Variants in FBXL20 observed in about 807,000 individuals in gnomAD.
The protein encoded by FBXL20 is F-box and leucine rich repeat protein 20.
FBXL20 carries 11 observed loss-of-function variants against 64.0 expected under a neutral mutation model. The ratio of observed to expected loss-of-function variants is 0.17; its 90% CI spans 0.11 to 0.28. The LOEUF (loss-of-function observed/expected upper bound fraction) is 0.28, where lower values mean the gene tolerates loss of function less well. FBXL20 is among the 10% of genes least tolerant of loss of function. The pLI, the probability that FBXL20 is intolerant of heterozygous loss-of-function variation, is 1.00. For synonymous variants in FBXL20, 184 were observed against 189.0 expected, an observed-to-expected ratio of 0.97 and a Z score of 0.22; for missense variants, 303 against 526.2, an observed-to-expected ratio of 0.58 and a Z score of 4.15.
chr17:39,328,700 A>G (rs1028760242), intron 2 of FBXL20, among the ~76,000 whole-genome samples: 1 of 152,242 alleles, frequency 6.6e-6, no homozygotes, highest in Non-Finnish European at 1.5e-5. Flanking sequence ...TGCAATAGTA[A>G]TAACTGTTTC....
chr17:39,296,942 G>A (rs2047091648), intron 6 of FBXL20, among the ~76,000 whole-genome samples, 185 bp downstream of exon 6: 1 of 152,150 alleles, frequency 6.6e-6, no homozygotes, highest in Admixed American at 6.5e-5. Flanking sequence ...TTGTATCAAA[G>A]ATAGAATTCC....
At chr17:39,398,174 C>T (rs1006653684) in intron 1 of FBXL20, among the ~76,000 whole-genome samples, 3 of 151,486 alleles carry the variant, frequency 2.0e-5, no homozygotes, top group Non-Finnish European at 2.9e-5. Context: ...CCCAGCTACT[C>T]GGGAGGCTGA....
chr17:39,287,966 A>T (rs1177109473), intron 6 of FBXL20, among the ~76,000 whole-genome samples: 1 of 146,004 alleles, frequency 6.8e-6, no homozygotes, highest in East Asian at 2.0e-4. Context: ...CTGTAATGAA[A>T]ACTTTTTTTT....
chr17:39,316,857 T>C (rs1439023846), intron 2 of FBXL20, among the ~76,000 whole-genome samples: 2 of 152,190 alleles, frequency 1.3e-5, no homozygotes. Flanking sequence ...GGCATGGTGC[T>C]GGGCGCCTGT....
intron 9 of FBXL20, among the ~76,000 whole-genome samples, chr17:39,276,221 G>GAAAAAAAAAAAAAAAAAAAAAAAAAAAAA (rs1215336803): frequency 1.7e-5 from 1 of 60,570 alleles, no homozygotes; most frequent in Non-Finnish European, 3.1e-5. Context: ...AGCAAGAAAA[G>GAAAAAAAAAAAAAAAAAAAAAAAAAAAAA]AAAAAAAAAA....
intron 1 of FBXL20, among the ~76,000 whole-genome samples, 167 bp from the exon 2 acceptor site, chr17:39,343,408 G>A (rs951373309): frequency 1.3e-5 from 2 of 152,116 alleles, no homozygotes; most frequent in Non-Finnish European, 2.9e-5. Context: ...AAAGATCTTC[G>A]AGGCATTTAA....
At chr17:39,381,265 T>C (rs1385209226) in intron 1 of FBXL20, among the ~76,000 whole-genome samples, 1 of 151,184 alleles carries the variant, frequency 6.6e-6, no homozygotes, top group Admixed American at 6.6e-5. Context: ...TGCTTGAGCG[T>C]AGGAGTTTGA....
At chr17:39,332,250 G>A (rs1470936514) in intron 2 of FBXL20, among the ~76,000 whole-genome samples, 2 of 152,224 alleles carry the variant, frequency 1.3e-5, no homozygotes, top group Non-Finnish European at 2.9e-5. Flanking sequence ...CACATGTGCA[G>A]AAAAGAGTTA....
intron 4 of FBXL20, among the ~76,000 whole-genome samples, 198 bp from the exon 5 acceptor site, chr17:39,299,282 C>T (rs182479701): frequency 6.6e-6 from 1 of 152,134 alleles, no homozygotes; most frequent in Non-Finnish European, 1.5e-5. Flanking sequence ...ACCCCATATT[C>T]TTATTTTGTT....
At chr17:39,304,197 T>C (rs755461384) in intron 2 of FBXL20, among the ~76,000 whole-genome samples, 9 of 151,534 alleles carry the variant, frequency 5.9e-5, no homozygotes, top group South Asian at 2.1e-4. Flanking sequence ...CAAAGGATAA[T>C]AAATAATCTC....
chr17:39,399,877 T>TA (rs1290509092), intron 1 of FBXL20, among the ~76,000 whole-genome samples: 1 of 152,166 alleles, frequency 6.6e-6, no homozygotes, highest in African/African-American at 2.4e-5. Context: ...AGCAAACTGA[T>TA]AAAGAGCTAA....
chr17:39,401,959 C>A, upstream of FBXL20: 1 of 444,902 alleles, frequency 2.2e-6, no homozygotes, highest in Non-Finnish European at 3.7e-6. Context: ...CGCGGACCAG[C>A]GAGGGAGAGT....
At chr17:39,389,014 G>C (rs2048110327) in intron 1 of FBXL20, among the ~76,000 whole-genome samples, 1 of 141,754 alleles carries the variant, frequency 7.1e-6, no homozygotes, top group Non-Finnish European at 1.5e-5. Context: ...TGAGGCAGGA[G>C]AATCGCTTGA....
At chr17:39,316,408 C>A (rs1311640165) in intron 2 of FBXL20, among the ~76,000 whole-genome samples, 1 of 151,996 alleles carries the variant, frequency 6.6e-6, no homozygotes, top group Non-Finnish European at 1.5e-5. Flanking sequence ...ATACTGGCTT[C>A]TAAACATTTC....
At chr17:39,331,603 G>C (rs1255250797) in intron 2 of FBXL20, among the ~76,000 whole-genome samples, 1 of 152,160 alleles carries the variant, frequency 6.6e-6, no homozygotes, top group Non-Finnish European at 1.5e-5. Context: ...TGCCCTGTGA[G>C]CTCCTTGAGG....
chr17:39,315,185 G>C (rs995095217), intron 2 of FBXL20, among the ~76,000 whole-genome samples: 1 of 151,890 alleles, frequency 6.6e-6, no homozygotes, highest in South Asian at 2.1e-4. Flanking sequence ...CGCCTGCCTC[G>C]GCCTCCACAT....
At chr17:39,315,870 A>AGC (rs1555607925) in intron 2 of FBXL20, among the ~76,000 whole-genome samples, 25 of 139,398 alleles carry the variant, frequency 1.8e-4, no homozygotes, top group Middle Eastern at 3.8e-3. Context: ...AGAGAGAGAG[A>AGC]GCAACTGTAG....
chr17:39,294,037 C>A (rs1456462596), intron 6 of FBXL20, among the ~76,000 whole-genome samples: 3 of 151,968 alleles, frequency 2.0e-5, no homozygotes, highest in Admixed American at 1.3e-4. Flanking sequence ...CAGTCTTGTG[C>A]CACAAGTACA....
chr17:39,324,618 C>T (rs979565665), intron 2 of FBXL20, among the ~76,000 whole-genome samples: 1 of 152,106 alleles, frequency 6.6e-6, no homozygotes, highest in Non-Finnish European at 1.5e-5. Flanking sequence ...GAGGGATCAC[C>T]TAACTACTAT....
Sources: allele counts gnomAD v4.1 joint callset (sites outside exome capture counted in the v4.1 genomes callset), GRCh38; gene constraint gnomAD v4.1.1; transcripts MANE v1.5; gene names NCBI Gene and HGNC (gene_info 2026-07-23, HGNC 2026-07-21).